SCP2: variants seen among roughly 807,000 people sequenced by gnomAD.
SCP2 encodes the protein sterol carrier protein 2, also known as SCP-2/3-oxoacyl-CoA thiolase.
In SCP2, 48 loss-of-function variants were observed where a neutral mutation model predicts 71.4. The ratio of observed to expected loss-of-function variants is 0.67; its 90% confidence interval spans 0.53 to 0.86. The LOEUF (loss-of-function observed/expected upper bound fraction) is 0.86, where lower values mean the gene tolerates loss of function less well. SCP2 is among the 40% of genes least tolerant of loss of function. The probability of loss-of-function intolerance (pLI) is 0.00; values close to 1 mark genes in which losing one functional copy is unlikely to be tolerated. For missense variants in SCP2, 560 were observed against 655.6 expected, an observed-to-expected ratio of 0.85 and a Z score of 1.59; for synonymous variants, 220 against 218.1, an observed-to-expected ratio of 1.01 and a Z score of -0.08.
chr1:53,003,658 C>T (rs936382098), intron 11 of SCP2, among the ~76,000 whole-genome samples: 7 of 152,056 alleles, frequency 4.6e-5, no homozygotes, highest in Middle Eastern at 3.4e-3. Context: ...TAGCTGGGAC[C>T]ACAGGTGCAC....
Position 52,960,916 on chromosome 1 carries a change from C to A in SCP2, c.397-587C>A, listed in dbSNP as rs572284711. On this transcript the variant is annotated intron_variant, in intron 5 of 15. Transcript: ENST00000371514. ...TGTAGGTGCATACCACCACACCTGG[C>A]TAATTTATGTATTTTTAGTAGAGAT... Among the ~76,000 whole-genome samples the A allele has an allele frequency of 5.9e-5, 9 of 151,568 alleles. No individual in the cohort carries two copies. In the South Asian group the frequency reaches 1.2e-3, roughly 21 times the overall value.
intron 12 of SCP2, among the ~76,000 whole-genome samples, chr1:53,015,739 C>G (rs1040558049): frequency 3.3e-5 from 5 of 152,146 alleles, no homozygotes; most frequent in Non-Finnish European, 7.4e-5. Context: ...CTCTTTTTCT[C>G]CTTGCCTTAA....
chr1:53,005,079 G>T (rs962355744), intron 11 of SCP2, among the ~76,000 whole-genome samples: 10 of 152,186 alleles, frequency 6.6e-5, no homozygotes, highest in African/African-American at 2.4e-4. Flanking sequence ...CTTGGGGAGG[G>T]GCATCCGCCT....
intron 10 of SCP2, among the ~76,000 whole-genome samples, chr1:52,985,564 T>C (rs1225446798): frequency 6.6e-6 from 1 of 152,254 alleles, no homozygotes. Flanking sequence ...CTCTCCAGAC[T>C]GAAGCTAGAA....
intron 6 of SCP2, among the ~76,000 whole-genome samples, chr1:52,964,122 AT>A (rs775387408): frequency 3.2e-4 from 49 of 151,954 alleles, no homozygotes; most frequent in Non-Finnish European, 2.5e-4. Flanking sequence ...AAATTACTTA[AT>A]TAGATAATGA....
At chr1:53,048,214 G>T in intron 15 of SCP2, 1 of 400,602 alleles carries the variant, frequency 2.5e-6, no homozygotes, top group East Asian at 5.8e-5. Flanking sequence ...CACCTGGCTT[G>T]TGGTCAGGGG....
chr1:52,990,608 C>G (rs183078992), intron 11 of SCP2, among the ~76,000 whole-genome samples: 235 of 151,898 alleles, frequency 1.5e-3, no homozygotes, highest in African/African-American at 5.4e-3. Flanking sequence ...GTGGCGGGCG[C>G]CTGCAGTCCC....
chr1:53,026,624 A>G (rs1662149062), intron 12 of SCP2, among the ~76,000 whole-genome samples: 1 of 151,546 alleles, frequency 6.6e-6, no homozygotes, highest in South Asian at 2.1e-4. Context: ...CCTGGGCAAC[A>G]TAACAAGGCC....
At position 53,028,061 on chromosome 1, in the gene SCP2, A is replaced by G. The variant is rs756292393; in HGVS notation, c.1328A>G (p.Lys443Arg). 3.2e-6 allele frequency: 5 copies of G among 1,580,034 alleles called. No homozygotes were observed. The Admixed American group carries it at 8.3e-5, about 26-fold the overall frequency. Reference protein sequence around the residue: ...ANLVFKEIEKKLEEEGEQFVK... With the variant: ...ANLVFKEIEKRLEEEGEQFVK... ...CTTGTTTTTAAGGAGATTGAGAAGA[A>G]ACTTGAAGAGGTAAGATTTATGTAA... Residue 443 changes from lysine (K) to arginine (R), a missense_variant, in exon 13 of 16, where the codon AAA becomes AGA. By Grantham distance (26) the Lys-to-Arg change is conservative (BLOSUM62 2). Transcript: ENST00000371514.
chr1:52,942,719 A>C (rs1654380562), intron 2 of SCP2, among the ~76,000 whole-genome samples: 1 of 111,442 alleles, frequency 9.0e-6, no homozygotes, highest in South Asian at 3.0e-4. Context: ...TTTTTTTGAG[A>C]TGGAGTTTCA....
rs370629918 is a variant in SCP2 at position 53,047,934 on chromosome 1, G to A, written c.1545G>A (p.Gln515=). 1.1e-5 allele frequency: 17 copies of A among 1,607,846 alleles called. No homozygotes were observed. In the African/African-American group the frequency reaches 2.3e-4, roughly 22 times the overall value. ...TAATGACTGGTAAAATGAATCCTCAGTCGGTAAGTATGATGGAGCTTATAT... is the reference window on the plus strand; with the variant it reads ...TAATGACTGGTAAAATGAATCCTCAATCGGTAAGTATGATGGAGCTTATAT... The part of the protein sequence containing the change: ...LALMTGKMNP[Q]SAFFQGKLKI... The change falls in exon 15 of 16, where the codon CAG becomes CAA. Residue 515 remains glutamine (Q), a synonymous_variant. Coordinates refer to ENST00000371514, the MANE Select transcript of SCP2 (RefSeq NM_002979.5).
intron 6 of SCP2, among the ~76,000 whole-genome samples, chr1:52,971,246 G>A (rs1657470743): frequency 6.6e-6 from 1 of 152,110 alleles, no homozygotes; most frequent in Non-Finnish European, 1.5e-5. Context: ...AAAGTGCTGG[G>A]ATTACAGGCG....
chr1:53,030,908 TAAAAAAAAA>T (rs59298380), intron 13 of SCP2, among the ~76,000 whole-genome samples: 1 of 75,932 alleles, frequency 1.3e-5, no homozygotes. Context: ...TCAAAAAAAT[TAAAAAAAAA>T]AAAAAAAAAA....
At chr1:52,946,372 G>A (rs1654797076) in intron 2 of SCP2, among the ~76,000 whole-genome samples, 1 of 151,842 alleles carries the variant, frequency 6.6e-6, no homozygotes, top group Admixed American at 6.6e-5. Context: ...GGGACCACAG[G>A]TGTATGCTAC....
intron 6 of SCP2, among the ~76,000 whole-genome samples, chr1:52,966,706 A>G (rs993125778): frequency 4.0e-5 from 6 of 150,584 alleles, no homozygotes; most frequent in Non-Finnish European, 7.4e-5. Context: ...CAACATGGCG[A>G]AACCCCATTT....
At chr1:53,004,488 C>T (rs1378380962) in intron 11 of SCP2, among the ~76,000 whole-genome samples, 1 of 152,140 alleles carries the variant, frequency 6.6e-6, no homozygotes, top group Non-Finnish European at 1.5e-5. Context: ...ATAGTCAGTT[C>T]CTGCCTTAAC....
At chr1:52,948,219 A>G in intron 3 of SCP2, 139 bp downstream of exon 3, 1 of 679,704 alleles carries the variant, frequency 1.5e-6, no homozygotes, top group Non-Finnish European at 2.7e-6. Flanking sequence ...AAGAAAAAAG[A>G]AAAAAATCTC....
intron 6 of SCP2, among the ~76,000 whole-genome samples, chr1:52,962,306 C>T (rs1656540980): frequency 6.6e-6 from 1 of 152,112 alleles, no homozygotes; most frequent in Admixed American, 6.5e-5. Context: ...TCTCTATATT[C>T]TCAGTCTATC....
intron 2 of SCP2, among the ~76,000 whole-genome samples, chr1:52,946,086 G>C (rs747708800): frequency 6.7e-6 from 1 of 148,360 alleles, no homozygotes; most frequent in African/African-American, 2.5e-5. Context: ...ACACCACCAC[G>C]CCCCCCTAAT....
Sources: allele counts gnomAD v4.1 joint callset (sites outside exome capture counted in the v4.1 genomes callset), GRCh38; gene constraint gnomAD v4.1.1; transcripts MANE v1.5; gene names NCBI Gene and HGNC (gene_info 2026-07-23, HGNC 2026-07-21).